SLC43A2: variants seen among roughly 807,000 people sequenced by gnomAD.
SLC43A2 encodes large neutral amino acids transporter small subunit 4.
Under a neutral mutation model 63.2 loss-of-function variants are expected in SLC43A2, and 38 were observed. That is an observed-to-expected ratio of 0.60 (90% CI 0.46 to 0.79). The LOEUF is 0.79. SLC43A2 is among the 30% of genes least tolerant of loss of function. The pLI is 0.00. For missense variants in SLC43A2, 644 were observed against 756.2 expected (o/e 0.85, Z 1.74); for synonymous variants, 322 against 331.0 (o/e 0.97, Z 0.30).
Position 1,573,028 on chromosome 17 carries a change from T to C in SLC43A2, c.*2576A>G, listed in dbSNP as rs1387361114. ...TCTTTATGAAAAAGAAAAAAAAAAT[T>C]AGCCAGGCATGGTGGCACACACTTA... On this transcript the variant is annotated 3_prime_UTR_variant, in exon 14 of 14. Transcript: ENST00000301335. 6.6e-6 allele frequency: 1 copy of C among 151,668 alleles called. No homozygotes were observed. Among genetic ancestry groups the C allele is most frequent in the Non-Finnish European group, 1.5e-5 (1 of 67,924 alleles). 9.4% of individuals were successfully genotyped at this position (151,668 alleles called of 1,614,324 possible).
chr17:1,588,816 G>A (rs1251455905), intron 9 of SLC43A2, among the ~76,000 whole-genome samples: 1 of 152,162 alleles, frequency 6.6e-6, no homozygotes. Context: ...CTGGGAGGCA[G>A]CAGAGTCACC....
At chr17:1,587,378 T>G (rs1028582617) in intron 9 of SLC43A2, among the ~76,000 whole-genome samples, 2 of 152,194 alleles carry the variant, frequency 1.3e-5, no homozygotes, top group African/African-American at 2.4e-5. Context: ...CCTCCTGCTG[T>G]GCTCAGAGAG....
At position 1,583,927 on chromosome 17, in the gene SLC43A2, G is replaced by A. The variant is rs990460946; in HGVS notation, c.1218-591C>T. Among the ~76,000 whole-genome samples, 4 of 151,692 alleles carry A rather than the reference G, an allele frequency of 2.6e-5. No homozygotes were observed. The highest frequency in any genetic ancestry group is 4.8e-5 in the African/African-American group (2 of 41,274). ...GGGTTTTTTTTTGAGATGGAGTCTC[G>A]CTCTGTCACCCGGGCTGGAGTGCAG... is the stretch of plus-strand genomic sequence containing the variant. On this transcript the variant is annotated intron_variant, in intron 10 of 13. Transcript: ENST00000301335. This position sits in a 1 kb window ranked among gnomAD's most constrained non-coding sequence, Gnocchi z 5.5.
rs1329098908 is a variant in SLC43A2, at chr17:1,583,017, T to G, written c.1350+187A>C. Among the ~76,000 whole-genome samples, 1 of 151,238 alleles carries G rather than the reference T, an allele frequency of 6.6e-6. No homozygotes were observed. The highest frequency in any genetic ancestry group is 2.0e-4 in the East Asian group (1 of 5,126). On this transcript the variant is annotated intron_variant, in intron 11 of 13. Coordinates refer to ENST00000301335, the MANE Select transcript of SLC43A2 (RefSeq NM_152346.3). This position sits in a 1 kb window ranked among gnomAD's most constrained non-coding sequence, Gnocchi z 5.5. Reference sequence around the variant, plus strand: ...TCGCTTGAACCCAGGAGGCTGAGGTTGCAGTGAGCCGAGATCACACCACTG... The same window carrying G: ...TCGCTTGAACCCAGGAGGCTGAGGTGGCAGTGAGCCGAGATCACACCACTG...
chr17:1,604,665 T>C (rs1464572879), intron 5 of SLC43A2: 1 of 1,474,872 alleles, frequency 6.8e-7, no homozygotes, highest in Admixed American at 2.0e-5. Flanking sequence ...GATACCACAA[T>C]GCCCAGTCCC....
At chr17:1,588,088 C>T (rs1284869147) in intron 9 of SLC43A2, among the ~76,000 whole-genome samples, 3 of 152,254 alleles carry the variant, frequency 2.0e-5, no homozygotes, top group African/African-American at 2.4e-5. Context: ...GCATGGGCCA[C>T]GTCTTCCCCA....
chr17:1,590,978 C>CGGG, intron 8 of SLC43A2, 30 bp from the exon 9 acceptor site: 1 of 1,546,578 alleles, frequency 6.5e-7, no homozygotes, highest in Non-Finnish European at 8.7e-7. Flanking sequence ...GGCTCAGGGC[C>CGGG]GGGGCACACT....
intron 5 of SLC43A2, among the ~76,000 whole-genome samples, chr17:1,599,269 G>A (rs1300959269): frequency 6.6e-6 from 1 of 151,944 alleles, no homozygotes; most frequent in Non-Finnish European, 1.5e-5. Context: ...GAACCCAGGG[G>A]GCAGAGGTTG....
intron 13 of SLC43A2, 86 bp downstream of exon 13, chr17:1,576,511 C>T: frequency 6.9e-7 from 1 of 1,451,636 alleles, no homozygotes. Flanking sequence ...CCTCGGGGCC[C>T]TGAAGCCCCC....
intron 2 of SLC43A2, among the ~76,000 whole-genome samples, chr17:1,627,327 G>A (rs1342953770): frequency 1.3e-5 from 2 of 152,088 alleles, no homozygotes. Context: ...CCTTAATCTG[G>A]AGTTCCTCTT....
At chr17:1,604,391 G>A (rs1377972208) in intron 5 of SLC43A2, 21 of 240,598 alleles carry the variant, frequency 8.7e-5, no homozygotes. Context: ...AGGTCATGCT[G>A]TATTGCCCAG....
Position 1,591,604 on chromosome 17 carries a change from G to A in SLC43A2, c.690C>T (p.Pro230=). The A allele has an allele frequency of 6.5e-7, 1 of 1,549,712 alleles. No individual in the cohort carries two copies. ...LVFLNCFFNW[P]LEPFPGPEDM... is the part of the protein sequence containing the mutation. ...CCTCCGGCCCCGGGAAGGGCTCAAGGGGCCAGTTAAAGAAGCAGTTGAGGA... is the reference window on the plus strand; with the variant it reads ...CCTCCGGCCCCGGGAAGGGCTCAAGAGGCCAGTTAAAGAAGCAGTTGAGGA... Residue 230 remains proline, a synonymous_variant, in exon 7 of 14, where the codon CCC becomes CCT. Coordinates refer to ENST00000301335, the MANE Select transcript of SLC43A2 (RefSeq NM_152346.3).
At chr17:1,597,453 C>A (rs1905410563) in intron 5 of SLC43A2, among the ~76,000 whole-genome samples, 1 of 142,960 alleles carries the variant, frequency 7.0e-6, no homozygotes, top group South Asian at 2.2e-4. Flanking sequence ...TGCAGTGAGC[C>A]AAGATTGTGC....
intron 5 of SLC43A2, chr17:1,604,382 G>A: frequency 4.7e-6 from 1 of 215,012 alleles, no homozygotes; most frequent in Non-Finnish European, 9.2e-6. Flanking sequence ...TTGGAGATGA[G>A]GTCATGCTGT....
At chr17:1,594,319 G>C (rs1225435936) in intron 5 of SLC43A2, among the ~76,000 whole-genome samples, 2 of 152,120 alleles carry the variant, frequency 1.3e-5, no homozygotes, top group African/African-American at 4.8e-5. Context: ...GGACTTCAAG[G>C]CTAACTCTTG....
chr17:1,587,586 T>A (rs1304195412), intron 9 of SLC43A2, among the ~76,000 whole-genome samples: 1 of 152,180 alleles, frequency 6.6e-6, no homozygotes, highest in Non-Finnish European at 1.5e-5. Context: ...GAGTGGAATG[T>A]CCTGGTCTAG....
Position 1,578,193 on chromosome 17 carries a change from C to G in SLC43A2, c.1424+57G>C, listed in dbSNP as rs1387025010. ...GAGTCTCAGTCCCACCAGCAACCTCCCCCCGGCCATTCCCACACCCTCGCC... is the reference window on the plus strand; with the variant it reads ...GAGTCTCAGTCCCACCAGCAACCTCGCCCCGGCCATTCCCACACCCTCGCC... On this transcript the variant is annotated intron_variant, in intron 12 of 13. Coordinates refer to ENST00000301335, the MANE Select transcript of SLC43A2 (RefSeq NM_152346.3). This position sits in a 1 kb window ranked among gnomAD's most constrained non-coding sequence, Gnocchi z 6.5. 6.4e-7 allele frequency: 1 copy of G among 1,562,278 alleles called. No individual in the cohort carries two copies. The highest frequency in any genetic ancestry group is 2.3e-5 in the East Asian group (1 of 44,290).
chr17:1,584,972 C>T (rs4790653), intron 10 of SLC43A2, among the ~76,000 whole-genome samples: 136,358 of 152,006 alleles, frequency 0.9, 62,167 homozygotes, highest in Non-Finnish European at 0.99. Context: ...TATAGCAACT[C>T]ACTACTCAAA....
In SLC43A2 at chr17:1,591,001, G is replaced by C. The variant is rs550728477; in HGVS notation, c.932-53C>G. ...GCCGGGGCACACTGTCCCCACCACC[G>C]GGGGGACACGCAGATCCCTCCACGC... On this transcript the variant is annotated intron_variant, in intron 8 of 13. Coordinates refer to ENST00000301335, the MANE Select transcript of SLC43A2 (RefSeq NM_152346.3). 2.0e-4 allele frequency: 300 copies of C among 1,528,126 alleles called. 1 individual carries two copies. In the African/African-American group the frequency reaches 3.6e-3, roughly 18 times the overall value. The allele number at this position is 1,528,126 out of a possible 1,614,324, so 94.7% of individuals were successfully genotyped here.
Sources: allele counts gnomAD v4.1 joint callset (sites outside exome capture counted in the v4.1 genomes callset), GRCh38; gene constraint gnomAD v4.1.1; non-coding constraint Gnocchi (gnomAD v3.1); transcripts MANE v1.5; gene names NCBI Gene and HGNC (gene_info 2026-07-23, HGNC 2026-07-21).